Variants in PUM2 observed in about 807,000 individuals in gnomAD.
PUM2 encodes pumilio homolog 2.
PUM2 carries 57 observed loss-of-function variants against 124.5 expected under a neutral mutation model. The ratio of observed to expected loss-of-function variants is 0.46; its 90% confidence interval spans 0.37 to 0.57. PUM2 has a LOEUF of 0.57. PUM2 is among the 20% of genes least tolerant of loss of function. PUM2 has a pLI of 0.00. For missense variants in PUM2, 1,065 were observed against 1,290.6 expected (o/e 0.83, Z 2.68); for synonymous variants, 460 against 446.1 (o/e 1.03, Z -0.39).
At chr2:20,306,891 G>A (rs1158362119) in intron 7 of PUM2, among the ~76,000 whole-genome samples, 2 of 151,404 alleles carry the variant, frequency 1.3e-5, no homozygotes, top group Non-Finnish European at 2.9e-5. Flanking sequence ...TCAGGATGGC[G>A]CCACTGTGCA....
chr2:20,348,431 T>A (rs1688666473), intron 1 of PUM2, among the ~76,000 whole-genome samples: 1 of 152,202 alleles, frequency 6.6e-6, no homozygotes, highest in South Asian at 2.1e-4. Flanking sequence ...TTAGGACGTA[T>A]GTAGAACTTG....
intron 12 of PUM2, among the ~76,000 whole-genome samples, chr2:20,282,721 A>G (rs1233665094): frequency 6.6e-6 from 1 of 152,214 alleles, no homozygotes; most frequent in East Asian, 1.9e-4. Flanking sequence ...GGGAAAAAGG[A>G]AATGTATTAT....
At chr2:20,344,170 A>G (rs1196751126) in intron 1 of PUM2, among the ~76,000 whole-genome samples, 1 of 152,104 alleles carries the variant, frequency 6.6e-6, no homozygotes, top group East Asian at 1.9e-4. Flanking sequence ...TGGGATCAAG[A>G]GATCCTCGCG....
intron 13 of PUM2, among the ~76,000 whole-genome samples, chr2:20,267,214 C>T (rs189579959): frequency 7.3e-5 from 11 of 151,672 alleles, no homozygotes; most frequent in East Asian, 3.9e-4. Flanking sequence ...TTAGTAGAGA[C>T]GGGGTTTCAC....
At chr2:20,350,897 A>C, upstream of PUM2, 1 of 578,780 alleles carries the variant, frequency 1.7e-6, no homozygotes, top group African/African-American at 2.2e-5. Context: ...GGGGAGGGGG[A>C]GCGCTCACCA....
chr2:20,350,874 A>T (rs1414540694), upstream of PUM2: 21 of 773,124 alleles, frequency 2.7e-5, no homozygotes, highest in Non-Finnish European at 3.3e-5. Context: ...CGCGCAGTGC[A>T]CCCCGGGAGA....
intron 7 of PUM2, 112 bp from the exon 8 acceptor site, chr2:20,297,790 G>A (rs1223219919): frequency 8.8e-7 from 1 of 1,139,560 alleles, no homozygotes. Flanking sequence ...GGGGAGCAGA[G>A]TGTGCATAAT....
chr2:20,323,447 CAAAAAAA>C (rs1158061957), intron 2 of PUM2, among the ~76,000 whole-genome samples: 1 of 84,858 alleles, frequency 1.2e-5, no homozygotes, highest in Non-Finnish European at 2.3e-5. Flanking sequence ...GACTCCATCT[CAAAAAAA>C]AAAAAAAAAA....
chr2:20,299,834 GTAAATT>G (rs781781650), intron 7 of PUM2, among the ~76,000 whole-genome samples: 2 of 152,130 alleles, frequency 1.3e-5, no homozygotes, highest in African/African-American at 2.4e-5. Context: ...GTCAAACTCG[GTAAATT>G]ATTTGAAGAG....
In PUM2 at chr2:20,326,276, CTGAAAA is replaced by C. The variant is rs1221047123; in HGVS notation, c.51+1028_51+1033del. The C allele has an allele frequency of 2.3e-6, 3 of 1,303,712 alleles. No individual in the cohort carries two copies. The African/African-American group carries it at 4.6e-5, about 20-fold the overall frequency. 80.8% of individuals were successfully genotyped at this position (1,303,712 alleles called of 1,614,324 possible). A position where few individuals can be genotyped will look rare whatever the true frequency, so the allele number is the denominator to read the frequency against. ...CTTAACTCACCCTTAAATCAGTCCT[CTGAAAA>C]TGACATACTCTTTGGAAAACGCTGT... On this transcript the variant is annotated intron_variant, in intron 2 of 20. Coordinates refer to ENST00000361078, the MANE Select transcript of PUM2 (RefSeq NM_015317.5).
chr2:20,257,823 G>A (rs1194610674), intron 16 of PUM2, among the ~76,000 whole-genome samples: 1 of 151,782 alleles, frequency 6.6e-6, no homozygotes, highest in Non-Finnish European at 1.5e-5. Flanking sequence ...CTTTTCTGCT[G>A]GGCTATATTT....
In PUM2 at chr2:20,274,957, CAAAAAA is replaced by C. The variant is rs774985208; in HGVS notation, c.1957+3620_1957+3625del. ...TTCTTCACAACAAGTGAAGTATCTC[CAAAAAA>C]AAAAAAAAAAAGATGCTTACTTCTA... On this transcript the variant is annotated intron_variant, in intron 13 of 20. Coordinates refer to ENST00000361078, the MANE Select transcript of PUM2 (RefSeq NM_015317.5). Among the ~76,000 whole-genome samples, 3 of 31,428 alleles carry C rather than the reference CAAAAAA, an allele frequency of 9.5e-5. 1 individual carries two copies. The East Asian group carries it at 2.5e-3, about 26-fold the overall frequency. The allele number at this position is 31,428 out of a possible 152,430, so 20.6% of individuals were successfully genotyped here.
intron 20 of PUM2, 31 bp from the exon 21 acceptor site, chr2:20,251,747 TAA>T (rs747228156): frequency 2.9e-5 from 46 of 1,603,932 alleles, no homozygotes; most frequent in Non-Finnish European, 2.7e-5. Flanking sequence ...TTAGAAAATC[TAA>T]GTCATTTTAG....
intron 2 of PUM2, among the ~76,000 whole-genome samples, chr2:20,321,827 T>C (rs978072357): frequency 6.6e-6 from 1 of 152,114 alleles, no homozygotes; most frequent in African/African-American, 2.4e-5. Context: ...TCACAAACTC[T>C]AAAAGAAGGT....
In PUM2 at chr2:20,344,900, G is replaced by A. The variant is rs919785301; in HGVS notation, c.-19+5697C>T. 2.7e-5 allele frequency among the ~76,000 whole-genome samples: 4 copies of A among 148,222 alleles called. No homozygotes were observed. In the Admixed American group the frequency reaches 2.7e-4, roughly 10 times the overall value. On this transcript the variant is annotated intron_variant, in intron 1 of 20. Coordinates refer to ENST00000361078, the MANE Select transcript of PUM2 (RefSeq NM_015317.5). ...CAGGAGGCTGAGGCAGGAGAAGGGCGTGAACCCGGGAGGCGGAGCTTGCAG... is the reference window on the plus strand; with the variant it reads ...CAGGAGGCTGAGGCAGGAGAAGGGCATGAACCCGGGAGGCGGAGCTTGCAG...
At chr2:20,351,790 T>G (rs1276541689), upstream of PUM2, among the ~76,000 whole-genome samples, 1 of 152,218 alleles carries the variant, frequency 6.6e-6, no homozygotes, top group Non-Finnish European at 1.5e-5. Flanking sequence ...TATAGTTTGC[T>G]TAATATATGT....
rs1662594471 is a variant in PUM2, at chr2:20,248,802, T to C, written c.*2783A>G. The C allele has an allele frequency of 6.6e-6, 1 of 152,612 alleles. No individual in the cohort carries two copies. The highest frequency in any genetic ancestry group is 1.5e-5 in the Non-Finnish European group (1 of 68,038). The allele number at this position is 152,612 out of a possible 1,614,324, so 9.5% of individuals were successfully genotyped here. On this transcript the variant is annotated 3_prime_UTR_variant, in exon 21 of 21. Transcript: ENST00000361078. ...AATTTATACATAATATACAAAGAAG[T>C]GAAGTTAACATTATTTCATATGAAC... is the stretch of plus-strand genomic sequence containing the variant.
chr2:20,267,960 A>G (rs1439810388), intron 13 of PUM2, among the ~76,000 whole-genome samples: 2 of 152,252 alleles, frequency 1.3e-5, no homozygotes, highest in African/African-American at 4.8e-5. Flanking sequence ...CTCCGTATCT[A>G]CAAGTTTCAC....
chr2:20,294,805 C>T (rs922969868), intron 8 of PUM2, among the ~76,000 whole-genome samples: 1 of 152,176 alleles, frequency 6.6e-6, no homozygotes, highest in Non-Finnish European at 1.5e-5. Context: ...TGACACTATA[C>T]AGATAATATA....
Sources: allele counts gnomAD v4.1 joint callset (sites outside exome capture counted in the v4.1 genomes callset), GRCh38; gene constraint gnomAD v4.1.1; transcripts MANE v1.5; gene names NCBI Gene and HGNC (gene_info 2026-07-23, HGNC 2026-07-21).